SFI1: variants seen among roughly 807,000 people sequenced by gnomAD.
The protein encoded by SFI1 is SFI1 centrin binding protein.
In SFI1, 195 loss-of-function variants were observed where a neutral mutation model predicts 207.5. That is an observed-to-expected ratio of 0.94 (90% CI 0.84 to 1.06). The LOEUF (loss-of-function observed/expected upper bound fraction) is 1.06, where lower values mean the gene tolerates loss of function less well. Ranked by LOEUF, SFI1 falls within the 50% of genes least tolerant of loss-of-function variation. The probability of loss-of-function intolerance (pLI) is 0.00; values close to 1 mark genes in which losing one functional copy is unlikely to be tolerated. For missense variants in SFI1, 1,634 were observed against 1,588.0 expected, an observed-to-expected ratio of 1.03 and a Z score of -0.49; for synonymous variants, 630 against 598.9, an observed-to-expected ratio of 1.05 and a Z score of -0.76.
chr22:31,556,156 TTTC>T (rs140558153), intron 6 of SFI1, among the ~76,000 whole-genome samples: 12,626 of 151,998 alleles, frequency 0.083, 917 homozygotes, highest in East Asian at 0.38. Context: ...TATATCATGA[TTTC>T]TTCTTCTTTA....
chr22:31,591,403 A>G (rs2065886300), intron 15 of SFI1, among the ~76,000 whole-genome samples: 2 of 152,158 alleles, frequency 1.3e-5, no homozygotes, highest in South Asian at 2.1e-4. Context: ...CGACCTCTCA[A>G]TCTTTTCCCC....
intron 15 of SFI1, among the ~76,000 whole-genome samples, chr22:31,594,575 G>A (rs1270362342): frequency 6.7e-6 from 1 of 148,158 alleles, no homozygotes; most frequent in East Asian, 2.0e-4. Flanking sequence ...AAAGAAAAAG[G>A]CCGGGCCTGG....
intron 2 of SFI1, among the ~76,000 whole-genome samples, chr22:31,514,818 C>G (rs1029051838): frequency 2.0e-5 from 3 of 150,628 alleles, no homozygotes; most frequent in Non-Finnish European, 4.4e-5. Flanking sequence ...TGTCGCCAGG[C>G]TGGAGTGCAG....
chr22:31,596,392 A>T (rs549228635), intron 15 of SFI1, among the ~76,000 whole-genome samples: 7 of 152,270 alleles, frequency 4.6e-5, no homozygotes, highest in Admixed American at 3.9e-4. Flanking sequence ...GCCACGGGAA[A>T]TAGAGGCTGA....
At chr22:31,559,746 A>T in intron 7 of SFI1, 1 of 824,634 alleles carries the variant, frequency 1.2e-6, no homozygotes, top group Non-Finnish European at 2.1e-6. Context: ...AGACGGAAGG[A>T]TGTAAAGGAT....
At chr22:31,580,650 C>T (rs2064036159) in intron 12 of SFI1, among the ~76,000 whole-genome samples, 2 of 148,036 alleles carry the variant, frequency 1.4e-5, no homozygotes, top group African/African-American at 5.0e-5. Context: ...TCAAGCAATT[C>T]TCCTGCCTCA....
chr22:31,606,264 C>T (rs532402095), intron 20 of SFI1, 64 bp from the exon 21 acceptor site: 3 of 1,452,822 alleles, frequency 2.1e-6, no homozygotes, highest in African/African-American at 2.8e-5. Context: ...GAATGATTCA[C>T]AGAAGCCTCC....
intron 8 of SFI1, among the ~76,000 whole-genome samples, chr22:31,567,552 G>A (rs939376815): frequency 6.6e-5 from 10 of 150,778 alleles, no homozygotes; most frequent in African/African-American, 1.7e-4. Flanking sequence ...ATGAATGTGT[G>A]TCTGTGTGTT....
chr22:31,508,859 C>G (rs1234305609), intron 2 of SFI1, among the ~76,000 whole-genome samples: 1 of 152,172 alleles, frequency 6.6e-6, no homozygotes, highest in Non-Finnish European at 1.5e-5. Flanking sequence ...ACCTTAGCTT[C>G]TACTGGCTTC....
chr22:31,546,368 G>A lies in SFI1; in HGVS notation c.339-493G>A, dbSNP rs895436049. On this transcript the variant is annotated intron_variant, in intron 4 of 32. Transcript: ENST00000400288. The stretch of plus-strand genomic sequence containing the variant: ...TTTCTTTGAGAGGGAGTCTTGCTCT[G>A]TCATCAGGCTGGAGTGCAGTGGTGC... 3.3e-5 allele frequency among the ~76,000 whole-genome samples: 5 copies of A among 151,722 alleles called. No individual in the cohort carries two copies. In the East Asian group the frequency reaches 7.9e-4, roughly 24 times the overall value.
Position 31,578,411 on chromosome 22 carries a change from C to T in SFI1, c.1114C>T (p.Gln372Ter). The T allele has an allele frequency of 5.6e-6, 9 of 1,613,738 alleles. No individual in the cohort carries two copies. The highest frequency in any genetic ancestry group is 7.6e-6 in the Non-Finnish European group (9 of 1,179,768). ...YMLLCAEEAA[Q>*]FEMAEEHHRH... ...GCTGCTGTGTGCAGAAGAAGCTGCC[C>T]AGTTTGAGATGGCAGAAGAGCACCA... The change falls in exon 11 of 33, where the codon CAG becomes TAG. Residue 372 changes from glutamine (Q) to a stop codon, truncating the protein, a stop_gained. Coordinates refer to ENST00000400288, the MANE Select transcript of SFI1 (RefSeq NM_001007467.3). LOFTEE classifies it high-confidence loss of function.
rs1366186686 is a variant in SFI1, at chr22:31,606,130, CCCAGCCCAGAGCAGCTGCT to C, written c.2055-196_2055-178del. 3 of 584,266 alleles carry C rather than the reference CCCAGCCCAGAGCAGCTGCT, an allele frequency of 5.1e-6. No homozygotes were observed. The East Asian group carries it at 8.8e-5, about 17-fold the overall frequency. 36.2% of individuals were successfully genotyped at this position (584,266 alleles called of 1,614,324 possible). ...CTGGGTCCCTCATGCACTCTTGGTG[CCCAGCCCAGAGCAGCTGCT>C]CAGTAGCCATTTGTTGGACATAGAT... On this transcript the variant is annotated intron_variant, in intron 20 of 32. Coordinates refer to ENST00000400288, the MANE Select transcript of SFI1 (RefSeq NM_001007467.3).
At chr22:31,520,013 G>A (rs573400018) in intron 2 of SFI1, among the ~76,000 whole-genome samples, 9 of 151,754 alleles carry the variant, frequency 5.9e-5, no homozygotes, top group East Asian at 3.9e-4. Flanking sequence ...TGATCCACCC[G>A]CCTCAGCCTC....
At chr22:31,574,696 C>G (rs2063291340) in intron 9 of SFI1, among the ~76,000 whole-genome samples, 1 of 152,136 alleles carries the variant, frequency 6.6e-6, no homozygotes, top group Non-Finnish European at 1.5e-5. Context: ...AATCACAGAC[C>G]TTTTCTCTTT....
upstream of SFI1, chr22:31,496,386 T>G (rs1022637733): frequency 3.3e-5 from 5 of 152,374 alleles, no homozygotes; most frequent in African/African-American, 1.2e-4. Context: ...TCATTGCTGC[T>G]GCTGCAAAGC....
chr22:31,556,891 A>T, intron 6 of SFI1, 51 bp from the exon 7 acceptor site: 1 of 1,269,754 alleles, frequency 7.9e-7, no homozygotes, highest in African/African-American at 1.5e-5. Context: ...CATAACCCAG[A>T]GTAATCCATC....
At chr22:31,601,923 G>A (rs1478718432) in intron 15 of SFI1, among the ~76,000 whole-genome samples, 1 of 151,978 alleles carries the variant, frequency 6.6e-6, no homozygotes, top group Non-Finnish European at 1.5e-5. Context: ...CTCCCAGGTA[G>A]TTGGTACTAC....
intron 2 of SFI1, among the ~76,000 whole-genome samples, chr22:31,513,401 T>C (rs1028460020): frequency 9.2e-5 from 14 of 152,006 alleles, no homozygotes; most frequent in African/African-American, 3.4e-4. Flanking sequence ...TCAAGCAATC[T>C]GCCCCTCCCA....
intron 27 of SFI1, chr22:31,614,165 C>G: frequency 2.4e-6 from 1 of 411,086 alleles, no homozygotes; most frequent in Non-Finnish European, 4.4e-6. Context: ...CGGAGTCATA[C>G]ACGTAGTTGA....
Sources: gnomAD v4.1 joint callset for allele counts (sites outside exome capture counted in the v4.1 genomes callset) on GRCh38, gnomAD v4.1.1 for gene constraint, MANE v1.5 for transcripts, NCBI Gene and HGNC (gene_info 2026-07-23, HGNC 2026-07-21) for gene names.